The following FERMT2 variants were observed in gnomAD, a reference collection of about 807,000 sequenced individuals.
FERMT2 encodes FERM domain containing kindlin 2.
Under a neutral mutation model 82.7 loss-of-function variants are expected in FERMT2, and 15 were observed. The observed-to-expected ratio is 0.18, with a 90% CI of 0.12 to 0.28. The LOEUF (loss-of-function observed/expected upper bound fraction) is 0.28. FERMT2 is among the 10% of genes least tolerant of loss of function. The pLI is 1.00. For synonymous variants in FERMT2, 274 were observed against 271.5 expected (o/e 1.01, Z -0.09); for missense variants, 645 against 809.4 (o/e 0.80, Z 2.46).
intron 2 of FERMT2, among the ~76,000 whole-genome samples, chr14:52,942,597 C>T (rs1268578010): frequency 7.9e-5 from 12 of 152,094 alleles, no homozygotes; most frequent in Admixed American, 3.9e-4. Flanking sequence ...CCACCCCGCC[C>T]GCCCCAAGAA....
At chr14:52,858,617 C>T in intron 14 of FERMT2, 67 bp from the exon 15 acceptor site, 2 of 1,440,126 alleles carry the variant, frequency 1.4e-6, no homozygotes, top group Non-Finnish European at 1.9e-6. Context: ...CACAAAACTA[C>T]TGTGCTACTT....
intron 2 of FERMT2, among the ~76,000 whole-genome samples, chr14:52,921,021 T>A (rs1200477507): frequency 6.6e-6 from 1 of 152,244 alleles, no homozygotes; most frequent in Non-Finnish European, 1.5e-5. Flanking sequence ...AAGCTCATTT[T>A]AATATAGTCG....
At chr14:52,879,617 G>C (rs1886174087) in intron 6 of FERMT2, among the ~76,000 whole-genome samples, 2 of 152,000 alleles carry the variant, frequency 1.3e-5, no homozygotes, top group South Asian at 4.1e-4. Context: ...GCCTGAAAAT[G>C]AATTAAAATT....
chr14:52,929,216 G>A (rs117545156), intron 2 of FERMT2, among the ~76,000 whole-genome samples: 358 of 151,914 alleles, frequency 2.4e-3, no homozygotes, highest in Non-Finnish European at 3.9e-3. Context: ...ATTGATTTTC[G>A]CTTTCCCTCA....
At chr14:52,864,151 T>C (rs187581825) in intron 12 of FERMT2, among the ~76,000 whole-genome samples, 9 of 152,222 alleles carry the variant, frequency 5.9e-5, no homozygotes, top group East Asian at 5.8e-4. Context: ...TACTTACCAG[T>C]TGAGGATCCC....
chr14:52,911,169 G>A (rs1270616538), intron 3 of FERMT2, among the ~76,000 whole-genome samples: 1 of 152,168 alleles, frequency 6.6e-6, no homozygotes, highest in African/African-American at 2.4e-5. Flanking sequence ...CAATACTGCT[G>A]CTATAACGCA....
intron 12 of FERMT2, among the ~76,000 whole-genome samples, chr14:52,864,183 C>T (rs1333469560): frequency 2.0e-5 from 3 of 151,924 alleles, no homozygotes; most frequent in East Asian, 3.9e-4. Context: ...CCAAAATGTG[C>T]CAATGAGCAT....
chr14:52,937,504 A>G (rs1285149671), intron 2 of FERMT2, among the ~76,000 whole-genome samples: 2 of 151,894 alleles, frequency 1.3e-5, no homozygotes, highest in African/African-American at 4.8e-5. Context: ...ATTACTCACG[A>G]CTCTAAACCT....
At chr14:52,913,519 C>T (rs555316266) in intron 3 of FERMT2, among the ~76,000 whole-genome samples, 1 of 152,130 alleles carries the variant, frequency 6.6e-6, no homozygotes, top group East Asian at 1.9e-4. Context: ...TAGACTTGGC[C>T]AACTGCCTGC....
chr14:52,892,361 C>T (rs1392057563), intron 4 of FERMT2, among the ~76,000 whole-genome samples: 1 of 151,542 alleles, frequency 6.6e-6, no homozygotes, highest in Non-Finnish European at 1.5e-5. Flanking sequence ...AGGCTGGTCT[C>T]AAATACCTGA....
intron 3 of FERMT2, among the ~76,000 whole-genome samples, chr14:52,897,427 G>A (rs962752079): frequency 2.0e-5 from 3 of 152,020 alleles, no homozygotes; most frequent in Admixed American, 6.5e-5. Context: ...TAGTAGTAAC[G>A]TACATCTCGT....
chr14:52,907,412 A>C (rs1368062477), intron 3 of FERMT2, among the ~76,000 whole-genome samples: 1 of 152,228 alleles, frequency 6.6e-6, no homozygotes, highest in Non-Finnish European at 1.5e-5. Context: ...TAGAAGAAAA[A>C]GGAGACTACA....
intron 3 of FERMT2, among the ~76,000 whole-genome samples, chr14:52,901,375 A>G (rs1183234914): frequency 6.6e-6 from 1 of 152,070 alleles, no homozygotes; most frequent in East Asian, 1.9e-4. Flanking sequence ...GGTGGGCAGA[A>G]TACTGAAGTT....
At chr14:52,926,777 A>C (rs1471466085) in intron 2 of FERMT2, among the ~76,000 whole-genome samples, 6 of 152,138 alleles carry the variant, frequency 3.9e-5, no homozygotes, top group Admixed American at 3.9e-4. Context: ...CTGGGGAAGA[A>C]AAGGGATTTT....
At chr14:52,916,544 T>C (rs1888624494) in intron 3 of FERMT2, among the ~76,000 whole-genome samples, 1 of 152,026 alleles carries the variant, frequency 6.6e-6, no homozygotes, top group African/African-American at 2.4e-5. Flanking sequence ...GAGAGAGGGA[T>C]GAATAGGCAG....
chr14:52,859,115 C>T (rs1884744480), intron 14 of FERMT2: 1 of 157,052 alleles, frequency 6.4e-6, no homozygotes, highest in South Asian at 2.0e-4. Context: ...CCTAAAGCAT[C>T]TGAGTTTGAA....
chr14:52,946,557 G>A (rs1471659115), intron 2 of FERMT2, among the ~76,000 whole-genome samples: 2 of 152,128 alleles, frequency 1.3e-5, no homozygotes. Context: ...GGAAGCTAAG[G>A]CAAGAGGATT....
At chr14:52,867,974 C>T (rs1372692427) in intron 10 of FERMT2, among the ~76,000 whole-genome samples, 1 of 152,134 alleles carries the variant, frequency 6.6e-6, no homozygotes, top group African/African-American at 2.4e-5. Flanking sequence ...TCTAAAATGA[C>T]TCCTCTGCAC....
intron 2 of FERMT2, among the ~76,000 whole-genome samples, chr14:52,933,892 C>A (rs1413424113): frequency 2.0e-5 from 3 of 151,942 alleles, no homozygotes; most frequent in Non-Finnish European, 2.9e-5. Flanking sequence ...GTTTGTGGAA[C>A]AAGCTGGTGT....
Sources: gnomAD v4.1 joint callset for allele counts (sites outside exome capture counted in the v4.1 genomes callset) on GRCh38, gnomAD v4.1.1 for gene constraint, MANE v1.5 for transcripts, NCBI Gene and HGNC (gene_info 2026-07-23, HGNC 2026-07-21) for gene names.